The following TRIP6 variants were observed in gnomAD, a reference collection of about 807,000 sequenced individuals.
TRIP6 encodes the protein thyroid receptor-interacting protein 6.
Under a neutral mutation model 51.9 loss-of-function variants are expected in TRIP6, and 33 were observed. That is an observed-to-expected ratio of 0.64 (90% CI 0.48 to 0.85). TRIP6 has a LOEUF of 0.85. TRIP6 is among the 40% of genes least tolerant of loss of function. The probability of loss-of-function intolerance (pLI) is 0.00; values close to 1 mark genes in which losing one functional copy is unlikely to be tolerated. For missense variants in TRIP6, 661 were observed against 652.1 expected (o/e 1.01, Z -0.15); for synonymous variants, 255 against 275.8 (o/e 0.92, Z 0.75).
chr7:100,871,784 A>C (rs1355902812), intron 7 of TRIP6, 63 bp downstream of exon 7: 1 of 1,571,742 alleles, frequency 6.4e-7, no homozygotes, highest in African/African-American at 1.3e-5. Flanking sequence ...TCATCTCTTC[A>C]TGCCCCAGGA....
intron 5 of TRIP6, 39 bp downstream of exon 5, chr7:100,870,502 G>A: frequency 6.2e-7 from 1 of 1,606,988 alleles, no homozygotes. Flanking sequence ...CGTGGGAAGG[G>A]AGGCTGGGAG....
intron 2 of TRIP6, 24 bp downstream of exon 2, chr7:100,868,012 G>A (rs1336973072): frequency 6.6e-7 from 1 of 1,517,698 alleles, no homozygotes; most frequent in Non-Finnish European, 8.8e-7. Context: ...TCGTGGGGTG[G>A]GACATGTGGG....
At position 100,870,350 on chromosome 7, in the gene TRIP6, G is replaced by GT. The variant is rs1554431933; in HGVS notation, c.736-20_736-19insT. On this transcript the variant is annotated intron_variant, in intron 4 of 8. Coordinates refer to ENST00000200457, the MANE Select transcript of TRIP6 (RefSeq NM_003302.3). ...GCATCAGGAGCTAGAGTAGGACCGA[G>GT]CCCGATTCCCACCTTCCAGGTGCCC... 3.8e-6 allele frequency: 5 copies of GT among 1,303,728 alleles called. No individual in the cohort carries two copies. Among genetic ancestry groups the GT allele is most frequent in the South Asian group, 3.7e-5 (3 of 81,490 alleles). The allele number at this position is 1,303,728 out of a possible 1,614,324, so 80.8% of individuals were successfully genotyped here.
Position 100,870,329 on chromosome 7 carries a change from C to A in TRIP6, c.736-41C>A, listed in dbSNP as rs370091339. ...GCTGAGGGCCCTGGTATTACAGCAT[C>A]AGGAGCTAGAGTAGGACCGAGCCCG... On this transcript the variant is annotated intron_variant, in intron 4 of 8. Transcript: ENST00000200457. 3.9e-6 allele frequency: 6 copies of A among 1,550,670 alleles called. No homozygotes were observed. The African/African-American group carries it at 7.8e-5, about 20-fold the overall frequency.
intron 6 of TRIP6, 34 bp from the exon 7 acceptor site, chr7:100,871,509 C>T (rs773796031): frequency 3.6e-5 from 58 of 1,604,560 alleles, no homozygotes; most frequent in South Asian, 2.3e-4. Context: ...GGCTCCCGCC[C>T]GCTCCCAGAT....
In TRIP6 at chr7:100,867,583, G is replaced by T; in HGVS notation, c.86G>T (p.Gly29Val). 1.3e-6 allele frequency: 2 copies of T among 1,539,280 alleles called. No individual in the cohort carries two copies. Among genetic ancestry groups the T allele is most frequent in the Non-Finnish European group, 1.7e-6 (2 of 1,146,122 alleles). Residue 29 changes from glycine (G) to valine (V), a missense_variant, in exon 1 of 9, where the codon GGG becomes GTG. Transcript: ENST00000200457. The surrounding 1 kb of genome is among the most constrained non-coding windows in gnomAD (Gnocchi z 5.4). Reference protein sequence around the residue: ...QGRAIPRGTPGPPPAHGAALQ... With the variant: ...QGRAIPRGTPVPPPAHGAALQ... ...AGGGCGATCCCCCGCGGCACCCCGGGGCCACCACCGGCCCACGGAGCAGGT... is the reference window on the plus strand; with the variant it reads ...AGGGCGATCCCCCGCGGCACCCCGGTGCCACCACCGGCCCACGGAGCAGGT...
At chr7:100,870,104 A>G (rs1166838411) in intron 4 of TRIP6, among the ~76,000 whole-genome samples, 3 of 152,178 alleles carry the variant, frequency 2.0e-5, no homozygotes, top group Admixed American at 6.5e-5. Flanking sequence ...GGAGCTTGCA[A>G]CCTACATCCT....
intron 8 of TRIP6, 50 bp downstream of exon 8, chr7:100,872,794 G>A (rs1815300602): frequency 6.2e-7 from 1 of 1,608,952 alleles, no homozygotes; most frequent in Non-Finnish European, 8.5e-7. Context: ...TAGGGTGCTG[G>A]GTAGAGCATG....
Position 100,869,431 on chromosome 7 carries a change from G to A in TRIP6, c.735+565G>A, listed in dbSNP as rs181592587. On this transcript the variant is annotated intron_variant, in intron 4 of 8. Coordinates refer to ENST00000200457, the MANE Select transcript of TRIP6 (RefSeq NM_003302.3). ...GTGGATCACCTGAGGTCACGAGTTC[G>A]AGACCACACTGACCAACATGGAGAA... Among the ~76,000 whole-genome samples, 1,024 of 149,632 alleles carry A rather than the reference G, an allele frequency of 6.8e-3. 8 individuals are homozygous for A. Among genetic ancestry groups the A allele is most frequent in the African/African-American group, 0.023 (956 of 41,022 alleles).
chr7:100,867,529 AGCCGGAGCCC>A lies in TRIP6; in HGVS notation c.36_45del (p.Ala15LeufsTer80). The A allele has an allele frequency of 6.6e-7, 1 of 1,517,986 alleles. No individual in the cohort carries two copies. Among genetic ancestry groups the A allele is most frequent in the Non-Finnish European group, 8.8e-7 (1 of 1,135,370 alleles). The allele number at this position is 1,517,986 out of a possible 1,614,324, so 94.0% of individuals were successfully genotyped here. On this transcript the variant is annotated frameshift_variant, in exon 1 of 9. Transcript: ENST00000200457. LOFTEE classifies it high-confidence loss of function. The surrounding 1 kb of genome is among the most constrained non-coding windows in gnomAD (Gnocchi z 5.4). Reference sequence around the variant, plus strand: ...GGGCCCACCTGGCTGCCCCCGAAGCAGCCGGAGCCCGCCAGAGCCCCTCAGGGGAGGGCGA... The same window carrying A: ...GGGCCCACCTGGCTGCCCCCGAAGCAGCCAGAGCCCCTCAGGGGAGGGCGA...
rs745469547 is a variant in TRIP6, at chr7:100,871,719, C to T, written c.1176C>T (p.His392=). 5 of 1,613,442 alleles carry T rather than the reference C, an allele frequency of 3.1e-6. No individual in the cohort carries two copies. In the South Asian group the frequency reaches 5.5e-5, roughly 18 times the overall value. The change falls in exon 7 of 9, where the codon CAC becomes CAT. Residue 392 remains histidine, a splice_region_variant and synonymous_variant. Coordinates refer to ENST00000200457, the MANE Select transcript of TRIP6 (RefSeq NM_003302.3). ...TSQIHCIEDF[H]RKFAPRCSVC... ...AGATCCACTGCATTGAGGACTTTCACAGGTCAGGCCTGGCCTCCACCTTGT... is the reference window on the plus strand; with the variant it reads ...AGATCCACTGCATTGAGGACTTTCATAGGTCAGGCCTGGCCTCCACCTTGT...
intron 7 of TRIP6, among the ~76,000 whole-genome samples, chr7:100,872,185 T>G (rs1420932242): frequency 7.0e-6 from 1 of 143,800 alleles, no homozygotes; most frequent in African/African-American, 2.6e-5. Flanking sequence ...TGGCTAGTTT[T>G]TTTTTTTTTT....
At chr7:100,872,942 C>G in intron 8 of TRIP6, 198 bp downstream of exon 8, 1 of 1,108,460 alleles carries the variant, frequency 9.0e-7, no homozygotes, top group Non-Finnish European at 1.2e-6. Flanking sequence ...CCTCCACCTC[C>G]CGGGTTCAAG....
At chr7:100,868,447 T>C (rs2115616410) in intron 3 of TRIP6, 48 bp from the exon 4 acceptor site, 5 of 1,612,314 alleles carry the variant, frequency 3.1e-6, no homozygotes, top group Non-Finnish European at 4.2e-6. Flanking sequence ...AATGTGGGTC[T>C]TGGAGTGGGG....
At chr7:100,868,035 C>G (rs553501295) in intron 2 of TRIP6, 47 bp downstream of exon 2, 1 of 1,537,220 alleles carries the variant, frequency 6.5e-7, no homozygotes, top group South Asian at 1.3e-5. Context: ...CCCCCAGAAC[C>G]GAGTCTGAGG....
chr7:100,867,565 TC>T lies in TRIP6; in HGVS notation c.73del (p.Arg25AlafsTer73). Reference sequence around the variant, plus strand: ...GCCAGAGCCCCTCAGGGGAGGGCGATCCCCCGCGGCACCCCGGGGCCACCAC... The same window carrying T: ...GCCAGAGCCCCTCAGGGGAGGGCGATCCCCGCGGCACCCCGGGGCCACCAC... Reference protein sequence around the residue: ...EPARAPQGRAIPRGTPGPPPA... With the variant: ...EPARAPQGRAXPRGTPGPPPA... On this transcript the variant is annotated frameshift_variant, in exon 1 of 9. Transcript: ENST00000200457. LOFTEE classifies it high-confidence loss of function. The surrounding 1 kb of genome is among the most constrained non-coding windows in gnomAD (Gnocchi z 5.4). 2 of 1,539,768 alleles carry T rather than the reference TC, an allele frequency of 1.3e-6. No individual in the cohort carries two copies.
rs781331499 is a variant in TRIP6, at chr7:100,867,457, G to C, written c.-41G>C. 18 of 1,367,300 alleles carry C rather than the reference G, an allele frequency of 1.3e-5. No homozygotes were observed. Among genetic ancestry groups the C allele is most frequent in the East Asian group, 3.0e-5 (1 of 33,706 alleles). The allele number at this position is 1,367,300 out of a possible 1,614,324, so 84.7% of individuals were successfully genotyped here. On this transcript the variant is annotated 5_prime_UTR_variant, in exon 1 of 9. Coordinates refer to ENST00000200457, the MANE Select transcript of TRIP6 (RefSeq NM_003302.3). This position sits in a 1 kb window ranked among gnomAD's most constrained non-coding sequence, Gnocchi z 5.4. ...AAGAGGGGGTGAAGGCCAGAGGCTC[G>C]GGGCTTCAAGACCGCTGTCTGGAGT...
intron 3 of TRIP6, 50 bp downstream of exon 3, chr7:100,868,283 C>T (rs369175542): frequency 5.7e-6 from 9 of 1,587,528 alleles, no homozygotes; most frequent in Middle Eastern, 2.0e-4. Context: ...TCTCTGGACT[C>T]TCAGACCCAG....
rs767261190 is a variant in TRIP6 at position 100,868,482 on chromosome 7, C to A, written c.364-13C>A. On this transcript the variant is annotated splice_polypyrimidine_tract_variant and intron_variant, in intron 3 of 8. Coordinates refer to ENST00000200457, the MANE Select transcript of TRIP6 (RefSeq NM_003302.3). ...GTCCTTGCTTACGACTTCTGGCCTG[C>A]GTTTCTCCTCAGGCATATGAGCCCC... 1 of 1,613,034 alleles carries A rather than the reference C, an allele frequency of 6.2e-7. No homozygotes were observed. Among genetic ancestry groups the A allele is most frequent in the East Asian group, 2.2e-5 (1 of 44,872 alleles).
Sources: allele counts gnomAD v4.1 joint callset (sites outside exome capture counted in the v4.1 genomes callset), GRCh38; gene constraint gnomAD v4.1.1; non-coding constraint Gnocchi (gnomAD v3.1); transcripts MANE v1.5; gene names NCBI Gene and HGNC (gene_info 2026-07-23, HGNC 2026-07-21).